Variants in PDP1 observed in about 807,000 individuals in gnomAD.
PDP1 encodes pyruvate dehydrogenase phosphatase catalytic subunit 1.
A neutral mutation model predicts 37.1 loss-of-function variants in PDP1; 14 were observed. The observed-to-expected ratio is 0.38, with a 90% CI of 0.25 to 0.59. The LOEUF is 0.59. Ranked by LOEUF, PDP1 falls within the 20% of genes least tolerant of loss-of-function variation. The probability of loss-of-function intolerance (pLI) is 0.67; values close to 1 mark genes in which losing one functional copy is unlikely to be tolerated. For synonymous variants in PDP1, 251 were observed against 243.3 expected, an observed-to-expected ratio of 1.03 and a Z score of -0.29; for missense variants, 544 against 655.3, an observed-to-expected ratio of 0.83 and a Z score of 1.85.
Position 93,922,669 on chromosome 8 carries a change from G to T in PDP1, c.610G>T (p.Ala204Ser), listed in dbSNP as rs767925776. The change falls in exon 2 of 2, where the codon GCA (alanine) becomes TCA (serine). Residue 204 changes from alanine (A) to serine (S), a missense_variant. Coordinates refer to ENST00000297598, the MANE Select transcript of PDP1 (RefSeq NM_018444.4). The surrounding 1 kb of genome is among the most constrained non-coding windows in gnomAD (Gnocchi z 4.0). ...KHPNDYFSKEASKLYFNSLRT... is the reference protein window; with the variant it reads ...KHPNDYFSKESSKLYFNSLRT... The stretch of plus-strand genomic sequence containing the variant: ...CCCCAATGATTACTTTAGTAAGGAG[G>T]CATCCAAATTGTACTTTAACAGCTT... The T allele has an allele frequency of 6.2e-7, 1 of 1,614,140 alleles. No homozygotes were observed. The highest frequency in any genetic ancestry group is 2.2e-5 in the East Asian group (1 of 44,878).
intron 1 of PDP1, chr8:93,921,071 C>CTT (rs34446897): frequency 9.8e-5 from 83 of 850,998 alleles, no homozygotes; most frequent in Non-Finnish European, 1.1e-4. Flanking sequence ...AATACTTAAA[C>CTT]TTTTTTTTTT....
At chr8:93,919,635 T>C (rs1213068267) in intron 1 of PDP1, among the ~76,000 whole-genome samples, 5 of 151,074 alleles carry the variant, frequency 3.3e-5, no homozygotes, top group Admixed American at 6.6e-5. Flanking sequence ...CAAATAGTAT[T>C]TTGAGTCAGT....
At chr8:93,917,670 G>T (rs1004511227) in intron 1 of PDP1, 3 of 761,310 alleles carry the variant, frequency 3.9e-6, no homozygotes, top group African/African-American at 3.5e-5. Flanking sequence ...CGGCGGGGTG[G>T]GTTGGTTTGG....
chr8:93,919,082 T>C, intron 1 of PDP1: 8 of 891,276 alleles, frequency 9.0e-6, no homozygotes, highest in Non-Finnish European at 1.1e-5. Context: ...TCATTTTTTG[T>C]TTTTAATCTC....
At chr8:93,917,203 A>T in intron 1 of PDP1, 124 bp downstream of exon 1, 1 of 226,816 alleles carries the variant, frequency 4.4e-6, no homozygotes, top group Non-Finnish European at 8.9e-6. Context: ...GGGCTGGACG[A>T]GCCCTGGAGC....
chr8:93,918,231 G>GA (rs1810148654), intron 1 of PDP1, among the ~76,000 whole-genome samples: 1 of 152,172 alleles, frequency 6.6e-6, no homozygotes, highest in Admixed American at 6.5e-5. Context: ...GGCATTTCCA[G>GA]AAAAATGTTG....
chr8:93,921,819 G>C (rs943361719), intron 1 of PDP1, 197 bp from the exon 2 acceptor site: 1 of 512,748 alleles, frequency 2.0e-6, no homozygotes, highest in South Asian at 3.6e-5. Flanking sequence ...GTGGTTCCAC[G>C]AATGATTGGG....
At position 93,923,965 on chromosome 8, in the gene PDP1, A is replaced by ACCT. The variant is rs1810367792; in HGVS notation, c.*293_*295dup. The ACCT allele has an allele frequency of 1.3e-5, 5 of 399,536 alleles. No homozygotes were observed. The East Asian group carries it at 3.0e-4, about 24-fold the overall frequency. 24.7% of individuals were successfully genotyped at this position (399,536 alleles called of 1,614,324 possible). ...TTACCAACCTGAGAAAATTAGGATG[A>ACCT]CCTGGCAAATAAGATCTTGAATAGG... is the stretch of plus-strand genomic sequence containing the variant. On this transcript the variant is annotated 3_prime_UTR_variant, in exon 2 of 2. Coordinates refer to ENST00000297598, the MANE Select transcript of PDP1 (RefSeq NM_018444.4). This position sits in a 1 kb window ranked among gnomAD's most constrained non-coding sequence, Gnocchi z 4.3.
rs2130400718 is a variant in PDP1 at position 93,925,578 on chromosome 8, A to G, written c.*1905A>G. 1 of 167,074 alleles carries G rather than the reference A, an allele frequency of 6.0e-6. No individual in the cohort carries two copies. Among genetic ancestry groups the G allele is most frequent in the South Asian group, 2.1e-4 (1 of 4,830 alleles). The allele number at this position is 167,074 out of a possible 1,614,324, so 10.3% of individuals were successfully genotyped here. ...AATATAAAATTGGTTTCCTGTGGTC[A>G]TGATCAAGATAGTAGTATTATTACA... On this transcript the variant is annotated 3_prime_UTR_variant, in exon 2 of 2. Transcript: ENST00000297598.
At chr8:93,918,436 T>C (rs778057459) in intron 1 of PDP1, among the ~76,000 whole-genome samples, 7 of 151,900 alleles carry the variant, frequency 4.6e-5, no homozygotes, top group Non-Finnish European at 7.4e-5. Context: ...ATTGATGGAG[T>C]GGAAAAAATG....
intron 1 of PDP1, 131 bp from the exon 2 acceptor site, chr8:93,921,885 T>C: frequency 3.2e-6 from 2 of 634,832 alleles, no homozygotes; most frequent in Non-Finnish European, 5.4e-6. Context: ...GTGTATAAAA[T>C]GTAGTACCTT....
rs571367515 is a variant in PDP1, at chr8:93,924,901, A to C, written c.*1228A>C. The C allele has an allele frequency of 6.0e-6, 1 of 167,212 alleles. No individual in the cohort carries two copies. Among genetic ancestry groups the C allele is most frequent in the African/African-American group, 2.4e-5 (1 of 41,596 alleles). The allele number at this position is 167,212 out of a possible 1,614,324, so 10.4% of individuals were successfully genotyped here. ...TGCAGCAGTCTCCATAATTATATTC[A>C]GTCCCTTCTAATACTGTATCAATGT... On this transcript the variant is annotated 3_prime_UTR_variant, in exon 2 of 2. Coordinates refer to ENST00000297598, the MANE Select transcript of PDP1 (RefSeq NM_018444.4).
chr8:93,918,390 T>C (rs575032356), intron 1 of PDP1, among the ~76,000 whole-genome samples: 3 of 152,348 alleles, frequency 2.0e-5, no homozygotes, highest in East Asian at 3.9e-4. Context: ...GTCGGTGCCT[T>C]AATAGCATTT....
chr8:93,921,133 G>C, intron 1 of PDP1: 2 of 983,428 alleles, frequency 2.0e-6, no homozygotes, highest in Non-Finnish European at 1.2e-6. Flanking sequence ...AATGAAACCT[G>C]AATTTTATTT....
At position 93,924,608 on chromosome 8, in the gene PDP1, T is replaced by G. The variant is rs868659534; in HGVS notation, c.*935T>G. On this transcript the variant is annotated 3_prime_UTR_variant, in exon 2 of 2. Coordinates refer to ENST00000297598, the MANE Select transcript of PDP1 (RefSeq NM_018444.4). ...TAATGATAAGACTTTTCATTATTTT[T>G]GGAATTTTAAAGATGACATAAATAA... 32 of 167,116 alleles carry G rather than the reference T, an allele frequency of 1.9e-4. No homozygotes were observed. Among genetic ancestry groups the G allele is most frequent in the African/African-American group, 7.5e-4 (31 of 41,464 alleles). 10.4% of individuals were successfully genotyped at this position (167,116 alleles called of 1,614,324 possible). A position where few individuals can be genotyped will look rare whatever the true frequency, so the allele number is the denominator to read the frequency against.
intron 1 of PDP1, among the ~76,000 whole-genome samples, chr8:93,918,265 T>C (rs1810150223): frequency 6.6e-6 from 1 of 152,178 alleles, no homozygotes; most frequent in Non-Finnish European, 1.5e-5. Flanking sequence ...GGTCTTTATG[T>C]AGAGTGTTTA....
In PDP1 at chr8:93,924,157, A is replaced by G. The variant is rs1810372165; in HGVS notation, c.*484A>G. On this transcript the variant is annotated 3_prime_UTR_variant, in exon 2 of 2. Coordinates refer to ENST00000297598, the MANE Select transcript of PDP1 (RefSeq NM_018444.4). ...TATTCATATACATTTATTTTAGCCT[A>G]AAGTGGTTTTCAAATCCAGTTCTTC... is the stretch of plus-strand genomic sequence containing the variant. 1 of 169,112 alleles carries G rather than the reference A, an allele frequency of 5.9e-6. No homozygotes were observed. The highest frequency in any genetic ancestry group is 1.4e-5 in the Non-Finnish European group (1 of 69,436). 10.5% of individuals were successfully genotyped at this position (169,112 alleles called of 1,614,324 possible). A position where few individuals can be genotyped will look rare whatever the true frequency, so the allele number is the denominator to read the frequency against.
intron 1 of PDP1, chr8:93,919,916 T>G (rs1330982639): frequency 6.6e-6 from 1 of 152,242 alleles, no homozygotes; most frequent in East Asian, 1.9e-4. Context: ...TCATGTACAC[T>G]TAACCTCTGG....
At position 93,923,459 on chromosome 8, in the gene PDP1, C is replaced by G. The variant is rs763792118; in HGVS notation, c.1400C>G (p.Thr467Ser). ...CATGGCCTTTTAACAGAAAGGAGAA[C>G]CAAAATGTCCTCGGTATTTGAGGAT... ...QMHGLLTERR[T>S]KMSSVFEDQN... Residue 467 changes from threonine to serine, a missense_variant, in exon 2 of 2, where the codon ACC becomes AGC. By Grantham distance (58) the Thr-to-Ser change is moderately conservative. Coordinates refer to ENST00000297598, the MANE Select transcript of PDP1 (RefSeq NM_018444.4). This position sits in a 1 kb window ranked among gnomAD's most constrained non-coding sequence, Gnocchi z 4.3. 8.1e-6 allele frequency: 13 copies of G among 1,596,868 alleles called. No individual in the cohort carries two copies. The highest frequency in any genetic ancestry group is 4.3e-6 in the Non-Finnish European group (5 of 1,168,996).
Sources: allele counts gnomAD v4.1 joint callset (sites outside exome capture counted in the v4.1 genomes callset), GRCh38; gene constraint gnomAD v4.1.1; non-coding constraint Gnocchi (gnomAD v3.1); transcripts MANE v1.5; gene names NCBI Gene and HGNC (gene_info 2026-07-23, HGNC 2026-07-21).